The following TPTE2 variants were observed in gnomAD, a reference collection of about 807,000 sequenced individuals.
The protein encoded by TPTE2 is phosphatidylinositol 3,4,5-trisphosphate 3-phosphatase TPTE2.
TPTE2 carries 53 observed loss-of-function variants against 78.6 expected under a neutral mutation model. That is an observed-to-expected ratio of 0.67 (90% confidence interval 0.54 to 0.85). TPTE2 has a LOEUF of 0.85. TPTE2 is among the 40% of genes least tolerant of loss of function. The probability of loss-of-function intolerance (pLI) is 0.00; values close to 1 mark genes in which losing one functional copy is unlikely to be tolerated. For synonymous variants in TPTE2, 175 were observed against 206.2 expected, an observed-to-expected ratio of 0.85 and a Z score of 1.30; for missense variants, 461 against 623.0, an observed-to-expected ratio of 0.74 and a Z score of 2.77.
chr13:19,490,322 T>C (rs191664364), intron 3 of TPTE2, among the ~76,000 whole-genome samples: 281 of 152,288 alleles, frequency 1.8e-3, no homozygotes, highest in African/African-American at 6.4e-3. Context: ...ATCCTAGACT[T>C]AATTTTCTGA....
intron 2 of TPTE2, among the ~76,000 whole-genome samples, chr13:19,493,233 A>C (rs1207424414): frequency 1.3e-5 from 2 of 152,092 alleles, no homozygotes; most frequent in Non-Finnish European, 2.9e-5. Context: ...TAAATTTCAC[A>C]AACCTCCATC....
At chr13:19,522,609 CTTT>C (rs1245952015) in intron 1 of TPTE2, among the ~76,000 whole-genome samples, 3 of 89,324 alleles carry the variant, frequency 3.4e-5, no homozygotes, top group Non-Finnish European at 6.0e-5. Context: ...GTTTTCCTTA[CTTT>C]TTTTTTCTTT....
chr13:19,464,413 A>G (rs771525966), intron 10 of TPTE2, 43 bp downstream of exon 13: 11 of 1,556,652 alleles, frequency 7.1e-6, no homozygotes, highest in Admixed American at 1.7e-5. Context: ...TACACAGTCT[A>G]CATTCACTGA....
the TPTE2 span, among the ~76,000 whole-genome samples, chr13:19,557,080 C>A: frequency 6.6e-6 from 1 of 152,318 alleles, no homozygotes; most frequent in East Asian, 1.9e-4. Context: ...TAAATGCTAT[C>A]TCCTCTTCTA....
upstream of TPTE2, among the ~76,000 whole-genome samples, chr13:19,539,627 A>G (rs570710216): frequency 2.6e-5 from 4 of 152,252 alleles, no homozygotes; most frequent in Admixed American, 6.5e-5. Flanking sequence ...TCAAATTTCC[A>G]TATACTAATA....
intron 13 of TPTE2, among the ~76,000 whole-genome samples, chr13:19,441,732 T>A (rs556774283): frequency 6.6e-6 from 1 of 152,318 alleles, no homozygotes; most frequent in South Asian, 2.1e-4. Context: ...AGCATTTTCT[T>A]TAAAGCCTGG....
At chr13:19,518,514 A>C (rs1869944362) in intron 1 of TPTE2, among the ~76,000 whole-genome samples, 1 of 152,258 alleles carries the variant, frequency 6.6e-6, no homozygotes, top group African/African-American at 2.4e-5. Context: ...AATGTTCATC[A>C]TCACTAGCTG....
chr13:19,457,245 T>C (rs1290582604), intron 10 of TPTE2, among the ~76,000 whole-genome samples: 4 of 152,218 alleles, frequency 2.6e-5, no homozygotes, highest in Non-Finnish European at 5.9e-5. Flanking sequence ...CATCAAGATA[T>C]ATACTTGAGT....
chr13:19,436,363 T>C lies in TPTE2; in HGVS notation c.1036-57A>G, dbSNP rs578055921. 35 of 1,465,232 alleles carry C rather than the reference T, an allele frequency of 2.4e-5. No individual in the cohort carries two copies. In the African/African-American group the frequency reaches 3.7e-4, roughly 15 times the overall value. 90.8% of individuals were successfully genotyped at this position (1,465,232 alleles called of 1,614,324 possible). ...CATCTGCACTCTTTCCTTTCCTATA[T>C]TAGGTACCCTTAGTGTTTCTATGCC... On this transcript the variant is annotated intron_variant, in intron 14 of 19. Transcript: ENST00000400230.
chr13:19,462,250 G>A (rs1340826700), intron 10 of TPTE2, among the ~76,000 whole-genome samples: 8 of 152,030 alleles, frequency 5.3e-5, no homozygotes, highest in African/African-American at 1.9e-4. Context: ...TCCAGATGTA[G>A]AACCACCTTA....
At chr13:19,474,502 T>G (rs1047564775) in intron 5 of TPTE2, among the ~76,000 whole-genome samples, 94 of 152,322 alleles carry the variant, frequency 6.2e-4, no homozygotes, top group African/African-American at 2.2e-3. Context: ...TCTAAAGAAT[T>G]TATTAATAAA....
At chr13:19,443,901 G>C (rs1027751475) in intron 13 of TPTE2, among the ~76,000 whole-genome samples, 2 of 152,102 alleles carry the variant, frequency 1.3e-5, no homozygotes, top group Non-Finnish European at 2.9e-5. Flanking sequence ...AGTGCTAGGG[G>C]AGATAAATGA....
intron 10 of TPTE2, among the ~76,000 whole-genome samples, chr13:19,460,691 G>C (rs1878833186): frequency 5.9e-5 from 9 of 152,124 alleles, no homozygotes; most frequent in Admixed American, 5.9e-4. Flanking sequence ...GTTCAGAACT[G>C]AGCTAACAAA....
At chr13:19,550,674 A>T in the TPTE2 span, among the ~76,000 whole-genome samples, 1 of 152,174 alleles carries the variant, frequency 6.6e-6, no homozygotes, top group African/African-American at 2.4e-5. Context: ...GCTTGGAGAG[A>T]TCAATTCTGT....
rs191744441 is a variant in TPTE2 at position 19,469,779 on chromosome 13, G to C, written c.393-2435C>G. 4.2e-4 allele frequency among the ~76,000 whole-genome samples: 64 copies of C among 152,032 alleles called. 1 individual carries two copies. The highest frequency in any genetic ancestry group is 1.4e-3 in the African/African-American group (58 of 41,458). The stretch of plus-strand genomic sequence containing the variant: ...AATTTCTAGGTATTTAATTTTATTT[G>C]TGGCTATTGCATATAGGACCACTTT... On this transcript the variant is annotated intron_variant, in intron 6 of 19. Transcript: ENST00000400230.
chr13:19,477,297 A>T (rs965374465), intron 4 of TPTE2, among the ~76,000 whole-genome samples: 2 of 138,292 alleles, frequency 1.4e-5, no homozygotes, highest in African/African-American at 2.6e-5. Context: ...ATAATATGTT[A>T]AAAAAAAAAA....
intron 14 of TPTE2, 40 bp from the exon 18 acceptor site, chr13:19,436,346 C>G: frequency 6.4e-7 from 1 of 1,560,220 alleles, no homozygotes; most frequent in South Asian, 1.1e-5. Context: ...TTCATCTGCA[C>G]TCTTTCCTTT....
At chr13:19,427,645 C>G (rs1313486693) in intron 17 of TPTE2, among the ~76,000 whole-genome samples, 4 of 152,108 alleles carry the variant, frequency 2.6e-5, no homozygotes, top group Non-Finnish European at 5.9e-5. Flanking sequence ...CCTGCATGCT[C>G]CTCCCAAGGG....
rs117515315 is a variant in TPTE2, at chr13:19,486,664, G to T, written c.120-4117C>A. Reference sequence around the variant, plus strand: ...TGCTCATCTGGCCTGCAGCCAGTCTGCTGGGGGAAACTCATGGGCCAAATA... The same window carrying T: ...TGCTCATCTGGCCTGCAGCCAGTCTTCTGGGGGAAACTCATGGGCCAAATA... On this transcript the variant is annotated intron_variant, in intron 3 of 19. Coordinates refer to ENST00000400230, the Ensembl canonical transcript of TPTE2. The surrounding 1 kb of genome is among the most constrained non-coding windows in gnomAD (Gnocchi z 4.3). 7.9e-4 allele frequency among the ~76,000 whole-genome samples: 120 copies of T among 152,336 alleles called. 1 individual carries two copies. The East Asian group carries it at 0.022, about 27-fold the overall frequency.
Sources: gnomAD v4.1 joint callset for allele counts (sites outside exome capture counted in the v4.1 genomes callset) on GRCh38, gnomAD v4.1.1 for gene constraint, Gnocchi (gnomAD v3.1) non-coding constraint, MANE v1.5 for transcripts, NCBI Gene and HGNC (gene_info 2026-07-23, HGNC 2026-07-21) for gene names.